Variants in ZNF737 observed in about 807,000 individuals in gnomAD.
The protein encoded by ZNF737 is zinc finger protein 102 (Y3).
ZNF737 carries 13 observed loss-of-function variants against 11.7 expected under a neutral mutation model. The observed-to-expected ratio is 1.11, with a 90% CI of 0.73 to 1.77. The LOEUF is 1.77. Ranked by LOEUF, ZNF737 falls within the 40% of genes most tolerant of loss-of-function variation. The pLI is 0.00. For synonymous variants in ZNF737, 217 were observed against 216.2 expected (o/e 1.00, Z -0.03); for missense variants, 636 against 638.0 (o/e 1.00, Z 0.03).
At chr19:20,554,417 T>C (rs1266757943) in intron 1 of ZNF737, among the ~76,000 whole-genome samples, 3 of 152,054 alleles carry the variant, frequency 2.0e-5, no homozygotes, top group Non-Finnish European at 4.4e-5. Context: ...CAAAGAAAAA[T>C]ATGTAGAAAA....
chr19:20,543,817 G>T lies in ZNF737; in HGVS notation c.*775C>A. The T allele has an allele frequency of 5.1e-6, 5 of 985,324 alleles. No individual in the cohort carries two copies. The highest frequency in any genetic ancestry group is 6.0e-6 in the Non-Finnish European group (5 of 829,932). 61.0% of individuals were successfully genotyped at this position (985,324 alleles called of 1,614,324 possible). On this transcript the variant is annotated 3_prime_UTR_variant, in exon 4 of 4. Transcript: ENST00000427401. ...GATTTCCTCTTCAACATGAATTATT[G>T]CCATGCCTCTTAAGAATTGAGAACT...
downstream of ZNF737, among the ~76,000 whole-genome samples, chr19:20,531,443 C>T (rs978315810): frequency 2.8e-5 from 3 of 105,664 alleles, 1 homozygote; most frequent in Non-Finnish European, 5.4e-5. Context: ...GTTTTGTGTA[C>T]CATCATTTTG....
chr19:20,554,191 A>C (rs1293177675), intron 1 of ZNF737, among the ~76,000 whole-genome samples: 2 of 152,230 alleles, frequency 1.3e-5, no homozygotes, highest in Non-Finnish European at 2.9e-5. Context: ...CACCTCTAAA[A>C]TTTAAATATA....
At position 20,541,007 on chromosome 19, in the gene ZNF737, A is replaced by G. The variant is rs2144590569; in HGVS notation, c.*3585T>C. On this transcript the variant is annotated 3_prime_UTR_variant, in exon 4 of 4. Coordinates refer to ENST00000427401, the MANE Select transcript of ZNF737 (RefSeq NM_001159293.2). Reference sequence around the variant, plus strand: ...AAAATGATTTTTTTTTCCTGTTTTAAGAGGGCTTTTATTATTGTACTCAAG... The same window carrying G: ...AAAATGATTTTTTTTTCCTGTTTTAGGAGGGCTTTTATTATTGTACTCAAG... The G allele has an allele frequency of 1.0e-6, 1 of 985,154 alleles. No individual in the cohort carries two copies. The highest frequency in any genetic ancestry group is 1.1e-4 in the East Asian group (1 of 8,800). 61.0% of individuals were successfully genotyped at this position (985,154 alleles called of 1,614,324 possible). A position where few individuals can be genotyped will look rare whatever the true frequency, so the allele number is the denominator to read the frequency against.
Position 20,558,864 on chromosome 19 carries a change from G to A in ZNF737, c.4-5029C>T, listed in dbSNP as rs1280910657. Among the ~76,000 whole-genome samples the A allele has an allele frequency of 2.6e-5, 4 of 152,196 alleles. No individual in the cohort carries two copies. In the East Asian group the frequency reaches 7.7e-4, roughly 29 times the overall value. ...GGCTGAAGACCAATGCAACAGAATA[G>A]AGAGCCCAGAAATAATGCCACCCTC... On this transcript the variant is annotated intron_variant, in intron 1 of 3. Transcript: ENST00000427401.
chr19:20,551,476 A>C (rs1185263095), intron 3 of ZNF737, among the ~76,000 whole-genome samples: 1 of 151,488 alleles, frequency 6.6e-6, no homozygotes, highest in Non-Finnish European at 1.5e-5. Context: ...ATCCATTGCA[A>C]TTGAAGAAAA....
downstream of ZNF737, among the ~76,000 whole-genome samples, chr19:20,534,489 CTACT>C (rs1474257103): frequency 3.4e-5 from 5 of 146,388 alleles, no homozygotes; most frequent in African/African-American, 1.3e-4. Flanking sequence ...ATCTATCTAT[CTACT>C]GTCAGAGGAT....
rs1348313936 is a variant in ZNF737, at chr19:20,543,082, G to T, written c.*1510C>A. 6.1e-6 allele frequency: 6 copies of T among 975,858 alleles called. No homozygotes were observed. The highest frequency in any genetic ancestry group is 7.3e-6 in the Non-Finnish European group (6 of 821,608). The allele number at this position is 975,858 out of a possible 1,614,324, so 60.4% of individuals were successfully genotyped here. A position where few individuals can be genotyped will look rare whatever the true frequency, so the allele number is the denominator to read the frequency against. On this transcript the variant is annotated 3_prime_UTR_variant, in exon 4 of 4. Coordinates refer to ENST00000427401, the MANE Select transcript of ZNF737 (RefSeq NM_001159293.2). ...GTGTCGGGGCCTTAGTTATTCTACT[G>T]TAAACTCTCTTGATATTTATATACA...
At chr19:20,556,091 C>T (rs1968878339) in intron 1 of ZNF737, among the ~76,000 whole-genome samples, 1 of 152,134 alleles carries the variant, frequency 6.6e-6, no homozygotes, top group African/African-American at 2.4e-5. Context: ...AGGGGCCCTC[C>T]CCTACCACAG....
downstream of ZNF737, among the ~76,000 whole-genome samples, chr19:20,530,874 G>C (rs1555752651): frequency 6.7e-6 from 1 of 148,360 alleles, no homozygotes; most frequent in African/African-American, 2.5e-5. Context: ...GGCCAAGGCA[G>C]GCGGCTGGGA....
chr19:20,553,643 T>A (rs1323246098), intron 2 of ZNF737, 66 bp downstream of exon 2: 7 of 1,472,322 alleles, frequency 4.8e-6, no homozygotes, highest in Non-Finnish European at 5.5e-6. Flanking sequence ...ACTAAAAAAA[T>A]TCTACAAGAG....
chr19:20,554,420 G>T (rs2021180), intron 1 of ZNF737, among the ~76,000 whole-genome samples: 36,117 of 152,034 alleles, frequency 0.24, 4,369 homozygotes, highest in South Asian at 0.33. Flanking sequence ...AGAAAAATAT[G>T]TAGAAAAAAT....
rs1409702598 is a variant in ZNF737, at chr19:20,552,532, C to T, written c.169G>A (p.Glu57Lys). Residue 57 changes from glutamate (E) to lysine (K), a missense_variant, in exon 3 of 4, where the codon GAG (glutamate) becomes AAG (lysine). Physicochemically the swap from Glu to Lys is moderately conservative, Grantham distance 56 (BLOSUM62 1). Coordinates refer to ENST00000427401, the MANE Select transcript of ZNF737 (RefSeq NM_001159293.2). Reference protein sequence around the residue: ...VSKPDLITCLEQGKKPLTMKK... With the variant: ...VSKPDLITCLKQGKKPLTMKK... ...ATGGTCAAAGGTTTTTTTCCTTGCT[C>T]CAGACAGGTGATGAGGTCTGGCTTA... 2.5e-6 allele frequency: 4 copies of T among 1,593,826 alleles called. No homozygotes were observed. In the South Asian group the frequency reaches 3.4e-5, roughly 14 times the overall value.
chr19:20,553,026 A>C (rs2562634), intron 2 of ZNF737, among the ~76,000 whole-genome samples: 98,987 of 149,808 alleles, frequency 0.66, 33,949 homozygotes, highest in African/African-American at 0.85. Flanking sequence ...AAAAAAAAAA[A>C]AAAAAAAGAA....
chr19:20,549,586 A>G (rs564744104), intron 3 of ZNF737, among the ~76,000 whole-genome samples: 1 of 152,180 alleles, frequency 6.6e-6, no homozygotes, highest in South Asian at 2.1e-4. Flanking sequence ...CAACAATAAG[A>G]GAAATGTTTA....
downstream of ZNF737, among the ~76,000 whole-genome samples, chr19:20,534,042 C>G (rs1379556808): frequency 6.7e-6 from 1 of 150,212 alleles, no homozygotes; most frequent in Non-Finnish European, 1.5e-5. Flanking sequence ...ATCAGCCGGG[C>G]TGAGCTAATT....
At position 20,541,516 on chromosome 19, in the gene ZNF737, AGCTCACT is replaced by A; in HGVS notation, c.*3069_*3075del. 1 of 547,594 alleles carries A rather than the reference AGCTCACT, an allele frequency of 1.8e-6. No individual in the cohort carries two copies. Among genetic ancestry groups the A allele is most frequent in the South Asian group, 8.1e-5 (1 of 12,388 alleles). The allele number at this position is 547,594 out of a possible 1,614,324, so 33.9% of individuals were successfully genotyped here. A position where few individuals can be genotyped will look rare whatever the true frequency, so the allele number is the denominator to read the frequency against. ...GGCTGGAGTGCAGTGGCATGATCTC[AGCTCACT>A]GCAACCTCTGCCTCCTGGGCTCAAA... On this transcript the variant is annotated 3_prime_UTR_variant, in exon 4 of 4. Transcript: ENST00000427401.
chr19:20,531,936 A>G (rs564868150), downstream of ZNF737, among the ~76,000 whole-genome samples: 71 of 150,468 alleles, frequency 4.7e-4, 3 homozygotes, highest in Non-Finnish European at 2.7e-4. Context: ...ATCTTTTAGC[A>G]TGCACTGAAG....
At chr19:20,533,157 A>C (rs538752490), downstream of ZNF737, among the ~76,000 whole-genome samples, 1 of 150,346 alleles carries the variant, frequency 6.7e-6, no homozygotes, top group Non-Finnish European at 1.5e-5. Flanking sequence ...GGCCTTAGTA[A>C]GTATTCATCT....
Sources: gnomAD v4.1 joint callset for allele counts (sites outside exome capture counted in the v4.1 genomes callset) on GRCh38, gnomAD v4.1.1 for gene constraint, MANE v1.5 for transcripts, NCBI Gene and HGNC (gene_info 2026-07-23, HGNC 2026-07-21) for gene names.